Variants in ERGIC1 observed in about 807,000 individuals in gnomAD.
ERGIC1 encodes the protein endoplasmic reticulum-golgi intermediate compartment 1.
Under a neutral mutation model 38.3 loss-of-function variants are expected in ERGIC1, and 19 were observed. That is an observed-to-expected ratio of 0.50 (90% CI 0.35 to 0.73). The LOEUF (loss-of-function observed/expected upper bound fraction) is 0.73. Ranked by LOEUF, ERGIC1 falls within the 30% of genes least tolerant of loss-of-function variation. The probability of loss-of-function intolerance (pLI) is 0.01; values close to 1 mark genes in which losing one functional copy is unlikely to be tolerated. For synonymous variants in ERGIC1, 124 were observed against 157.6 expected, an observed-to-expected ratio of 0.79 and a Z score of 1.60; for missense variants, 294 against 389.2, an observed-to-expected ratio of 0.76 and a Z score of 2.06.
intron 9 of ERGIC1, among the ~76,000 whole-genome samples, chr5:172,943,753 G>T (rs958467341): frequency 6.6e-6 from 1 of 152,170 alleles, no homozygotes; most frequent in Non-Finnish European, 1.5e-5. Flanking sequence ...CTCCCACGGC[G>T]GTGTGTATGG....
intron 3 of ERGIC1, among the ~76,000 whole-genome samples, chr5:172,904,222 T>C (rs1762962558): frequency 6.6e-6 from 1 of 152,248 alleles, no homozygotes; most frequent in African/African-American, 2.4e-5. Flanking sequence ...GGTAGAGGCC[T>C]GATGAATTTT....
chr5:172,908,844 G>C (rs1027820843), intron 3 of ERGIC1, among the ~76,000 whole-genome samples: 1 of 152,162 alleles, frequency 6.6e-6, no homozygotes, highest in Admixed American at 6.5e-5. Flanking sequence ...TCTCAGAACC[G>C]GTTCTGCCCC....
chr5:172,857,588 G>GCCCCCCCCC (rs57477954), intron 1 of ERGIC1, among the ~76,000 whole-genome samples: 3 of 132,592 alleles, frequency 2.3e-5, no homozygotes, highest in Admixed American at 8.3e-5. Flanking sequence ...TAATAATGGT[G>GCCCCCCCCC]CCCCCCCCAC....
chr5:172,860,191 G>A (rs867789712), intron 1 of ERGIC1, among the ~76,000 whole-genome samples: 2 of 152,238 alleles, frequency 1.3e-5, no homozygotes, highest in African/African-American at 2.4e-5. Context: ...GGTGTGTGAG[G>A]CAGTGCGCTC....
At chr5:172,940,003 C>T (rs1455290212) in intron 9 of ERGIC1, among the ~76,000 whole-genome samples, 3 of 152,224 alleles carry the variant, frequency 2.0e-5, no homozygotes, top group Non-Finnish European at 2.9e-5. Context: ...AGCCCCTAAA[C>T]GGCAAATGGG....
rs1763799407 is a variant in ERGIC1, at chr5:172,932,447, C to T, written c.553C>T (p.His185Tyr). ...DRLTSNPLAS[H>Y]DYILKIVPTV... is the part of the protein sequence containing the mutation. ...TGTCCTTCCCGCAGCCCTGGCCTCC[C>T]ACGACTACATCCTGAAGATTGTGCC... Residue 185 changes from histidine (H) to tyrosine (Y), a missense_variant, in exon 8 of 10, where the codon CAC becomes TAC. Transcript: ENST00000393784. The T allele has an allele frequency of 6.2e-7, 1 of 1,614,046 alleles. No homozygotes were observed. The highest frequency in any genetic ancestry group is 1.3e-5 in the African/African-American group (1 of 74,928).
chr5:172,923,692 T>C (rs1763583612), intron 5 of ERGIC1, among the ~76,000 whole-genome samples: 1 of 152,146 alleles, frequency 6.6e-6, no homozygotes. Flanking sequence ...TCCACAGAGC[T>C]GGAGGGGGAG....
intron 1 of ERGIC1, among the ~76,000 whole-genome samples, chr5:172,863,859 C>T (rs534364090): frequency 1.3e-5 from 2 of 152,304 alleles, no homozygotes; most frequent in East Asian, 3.9e-4. Context: ...CATCTACTCT[C>T]TGAAGAAATA....
At chr5:172,929,153 A>ATGTGTGTG (rs70984922) in intron 7 of ERGIC1, among the ~76,000 whole-genome samples, 5,859 of 150,010 alleles carry the variant, frequency 0.039, 150 homozygotes, top group African/African-American at 0.074. Context: ...ATATATATAT[A>ATGTGTGTG]TGTGTGTGTG....
chr5:172,854,735 A>G (rs1761502437), intron 1 of ERGIC1, among the ~76,000 whole-genome samples: 1 of 152,270 alleles, frequency 6.6e-6, no homozygotes, highest in Non-Finnish European at 1.5e-5. Context: ...AAGTGAGTAA[A>G]CAGTGATCTT....
At chr5:172,870,321 A>T (rs1418966963) in intron 1 of ERGIC1, among the ~76,000 whole-genome samples, 1 of 152,152 alleles carries the variant, frequency 6.6e-6, no homozygotes, top group Non-Finnish European at 1.5e-5. Flanking sequence ...GCCATGTGCC[A>T]AGCTGGGAGG....
At chr5:172,873,542 A>G (rs1236929731) in intron 1 of ERGIC1, among the ~76,000 whole-genome samples, 1 of 152,228 alleles carries the variant, frequency 6.6e-6, no homozygotes, top group Non-Finnish European at 1.5e-5. Flanking sequence ...GCCTGCTGTC[A>G]GCATGGGCCC....
chr5:172,890,147 C>G (rs140519258), intron 2 of ERGIC1, among the ~76,000 whole-genome samples: 1 of 152,318 alleles, frequency 6.6e-6, no homozygotes, highest in Non-Finnish European at 1.5e-5. Flanking sequence ...ATATCGTGAG[C>G]CCCTGATAGG....
At chr5:172,871,988 A>G (rs550780936) in intron 1 of ERGIC1, among the ~76,000 whole-genome samples, 1 of 152,020 alleles carries the variant, frequency 6.6e-6, no homozygotes, top group Admixed American at 6.6e-5. Flanking sequence ...TTGTGTGGAG[A>G]GTTTCACCTT....
intron 1 of ERGIC1, among the ~76,000 whole-genome samples, chr5:172,851,704 C>T (rs792961): frequency 2.1e-3 from 314 of 151,976 alleles, no homozygotes; most frequent in African/African-American, 6.9e-3. Flanking sequence ...TGCCCGAGGA[C>T]CCCTCTGAGA....
chr5:172,905,015 C>T (rs191758224), intron 3 of ERGIC1, among the ~76,000 whole-genome samples: 5 of 152,254 alleles, frequency 3.3e-5, no homozygotes, highest in African/African-American at 1.2e-4. Context: ...GTTAGGAAGA[C>T]AGGGACCCAC....
At chr5:172,893,905 A>ATATATGTGTGTG (rs1173039695) in intron 2 of ERGIC1, among the ~76,000 whole-genome samples, 20 of 15,530 alleles carry the variant, frequency 1.3e-3, no homozygotes, top group East Asian at 4.6e-3. Flanking sequence ...ATATATATAT[A>ATATATGTGTGTG]TGTGTGTGTG....
chr5:172,845,418 T>C (rs1429094485), intron 1 of ERGIC1, among the ~76,000 whole-genome samples: 1 of 152,130 alleles, frequency 6.6e-6, no homozygotes, highest in Non-Finnish European at 1.5e-5. Flanking sequence ...GCAGGGCTGG[T>C]CCTCTTGCCG....
chr5:172,848,354 C>T (rs1156341858), intron 1 of ERGIC1, among the ~76,000 whole-genome samples: 2 of 152,090 alleles, frequency 1.3e-5, no homozygotes, highest in Non-Finnish European at 2.9e-5. Flanking sequence ...AGAAGGAAGG[C>T]AAAGTAGATG....
Sources: gnomAD v4.1 joint callset for allele counts (sites outside exome capture counted in the v4.1 genomes callset) on GRCh38, gnomAD v4.1.1 for gene constraint, MANE v1.5 for transcripts, NCBI Gene and HGNC (gene_info 2026-07-23, HGNC 2026-07-21) for gene names.